SINHCAF: variants seen among roughly 807,000 people sequenced by gnomAD.
The protein encoded by SINHCAF is SIN3-HDAC complex-associated factor.
Under a neutral mutation model 25.8 loss-of-function variants are expected in SINHCAF, and 3 were observed. The ratio of observed to expected loss-of-function variants is 0.12; its 90% CI spans 0.05 to 0.30. The LOEUF is 0.30. Among genes scored for constraint, SINHCAF ranks in the 10% least tolerant of loss-of-function variants. The pLI is 1.00. For missense variants in SINHCAF, 121 were observed against 262.3 expected, an observed-to-expected ratio of 0.46 and a Z score of 3.72; for synonymous variants, 70 against 85.5, an observed-to-expected ratio of 0.82 and a Z score of 1.00.
Position 31,285,418 on chromosome 12 carries a change from T to TATACACACACACACACACACAC in SINHCAF, c.506+2215_506+2216insGTGTGTGTGTGTGTGTGTGTAT, listed in dbSNP as rs1555110957. Among the ~76,000 whole-genome samples the TATACACACACACACACACACAC allele has an allele frequency of 4.2e-5, 6 of 141,356 alleles. No homozygotes were observed. In the South Asian group the frequency reaches 6.9e-4, roughly 16 times the overall value. 92.7% of individuals were successfully genotyped at this position (141,356 alleles called of 152,430 possible). A position where few individuals can be genotyped will look rare whatever the true frequency, so the allele number is the denominator to read the frequency against. ...ATAGACATATATTTATATATATACATACACACACACACACACACACACACA... is the reference window on the plus strand; with the variant it reads ...ATAGACATATATTTATATATATACATATACACACACACACACACACACACACACACACACACACACACACACA... On this transcript the variant is annotated intron_variant, in intron 5 of 5. Transcript: ENST00000337682.
chr12:31,296,170 T>G (rs773645418), intron 2 of SINHCAF, among the ~76,000 whole-genome samples: 5 of 151,984 alleles, frequency 3.3e-5, no homozygotes, highest in Non-Finnish European at 7.4e-5. Flanking sequence ...TCTTTTTTGG[T>G]GGGGGCGTGG....
Position 31,325,095 on chromosome 12 carries a change from C to G in SINHCAF, c.-21+929G>C. 1 of 456,748 alleles carries G rather than the reference C, an allele frequency of 2.2e-6. No individual in the cohort carries two copies. Among genetic ancestry groups the G allele is most frequent in the Middle Eastern group, 3.3e-4 (1 of 3,074 alleles). The allele number at this position is 456,748 out of a possible 1,614,324, so 28.3% of individuals were successfully genotyped here. On this transcript the variant is annotated intron_variant, in intron 1 of 5. Transcript: ENST00000337682. The surrounding 1 kb of genome is among the most constrained non-coding windows in gnomAD (Gnocchi z 5.9). ...GCCCTGCGGAGTTCACTGACTCCCG[C>G]GGCGTACACAACGCCGCCGCCTCCA... is the stretch of plus-strand genomic sequence containing the variant.
At chr12:31,290,079 C>T (rs1281109546) in intron 4 of SINHCAF, among the ~76,000 whole-genome samples, 2 of 152,102 alleles carry the variant, frequency 1.3e-5, no homozygotes, top group Non-Finnish European at 2.9e-5. Context: ...CCTCCCACCT[C>T]GGCCTCCCAA....
intron 3 of SINHCAF, 61 bp from the exon 4 acceptor site, chr12:31,293,992 G>A: frequency 7.3e-7 from 1 of 1,379,042 alleles, no homozygotes; most frequent in South Asian, 1.5e-5. Flanking sequence ...TATCCCTTTG[G>A]TTCAGATCCG....
At chr12:31,304,013 G>C (rs1938920081) in intron 1 of SINHCAF, 1 of 152,088 alleles carries the variant, frequency 6.6e-6, no homozygotes, top group Non-Finnish European at 1.5e-5. Context: ...CAGCTACTCG[G>C]GAGGCTGAGG....
intron 1 of SINHCAF, chr12:31,311,733 CTT>C: frequency 2.0e-6 from 1 of 510,174 alleles, no homozygotes. Flanking sequence ...CTCCCAGTGA[CTT>C]TATCACTCCA....
chr12:31,305,323 G>A (rs1240177278), intron 1 of SINHCAF, among the ~76,000 whole-genome samples: 1 of 152,178 alleles, frequency 6.6e-6, no homozygotes, highest in African/African-American at 2.4e-5. Flanking sequence ...ACTGTGGGAC[G>A]TGTCTTGCAC....
chr12:31,312,142 A>G, intron 1 of SINHCAF: 1 of 414,032 alleles, frequency 2.4e-6, no homozygotes. Flanking sequence ...TCCTGTTTTT[A>G]AACTTAATTG....
At position 31,295,284 on chromosome 12, in the gene SINHCAF, C is replaced by G; in HGVS notation, c.178G>C (p.Val60Leu). 1 of 1,609,724 alleles carries G rather than the reference C, an allele frequency of 6.2e-7. No individual in the cohort carries two copies. Among genetic ancestry groups the G allele is most frequent in the Non-Finnish European group, 8.5e-7 (1 of 1,178,846 alleles). ...GDICNACVLLVKRWKKLPAGS... is the reference protein window; with the variant it reads ...GDICNACVLLLKRWKKLPAGS... Reference sequence around the variant, plus strand: ...GCTGGCAACTTCTTCCATCTTTTCACAAGCAGGACACAGGCATTGCAGATG... The same window carrying G: ...GCTGGCAACTTCTTCCATCTTTTCAGAAGCAGGACACAGGCATTGCAGATG... Residue 60 changes from valine (V) to leucine (L), a missense_variant, in exon 3 of 6, where the codon GTG becomes CTG. Physicochemically the swap from Val to Leu is conservative, Grantham distance 32. Transcript: ENST00000337682.
chr12:31,283,345 G>A (rs533722261), intron 5 of SINHCAF, among the ~76,000 whole-genome samples: 10 of 152,244 alleles, frequency 6.6e-5, no homozygotes, highest in Non-Finnish European at 8.8e-5. Flanking sequence ...GCTTACACCT[G>A]TAATCCCAGC....
intron 2 of SINHCAF, 105 bp downstream of exon 2, chr12:31,297,972 A>ATTTTTTTTTTTTTTT: frequency 8.6e-7 from 1 of 1,159,746 alleles, no homozygotes; most frequent in Non-Finnish European, 1.2e-6. Flanking sequence ...AGAATAAGTG[A>ATTTTTTTTTTTTTTT]TTTTTATTAT....
chr12:31,313,875 G>A (rs75485625), intron 1 of SINHCAF, among the ~76,000 whole-genome samples: 1,735 of 151,794 alleles, frequency 0.011, 16 homozygotes, highest in East Asian at 0.037. Context: ...GGCTGGTCTC[G>A]AACTCCTGAC....
At chr12:31,300,990 C>A (rs1938768366) in intron 1 of SINHCAF, among the ~76,000 whole-genome samples, 2 of 152,162 alleles carry the variant, frequency 1.3e-5, no homozygotes, top group Admixed American at 1.3e-4. Context: ...CCTATCTCTA[C>A]CCTCACCATC....
At chr12:31,287,827 T>TG in intron 4 of SINHCAF, 43 bp from the exon 5 acceptor site, 2 of 1,455,638 alleles carry the variant, frequency 1.4e-6, no homozygotes, top group Non-Finnish European at 1.9e-6. Flanking sequence ...TTCAATTTCA[T>TG]TACATGTAAT....
At chr12:31,286,870 C>A (rs1359753724) in intron 5 of SINHCAF, among the ~76,000 whole-genome samples, 1 of 152,208 alleles carries the variant, frequency 6.6e-6, no homozygotes, top group East Asian at 1.9e-4. Flanking sequence ...AGGCTCCAAT[C>A]ATCTGTTCCT....
chr12:31,310,392 C>A (rs947058531), intron 1 of SINHCAF, among the ~76,000 whole-genome samples: 1 of 152,120 alleles, frequency 6.6e-6, no homozygotes, highest in Non-Finnish European at 1.5e-5. Context: ...GAAATGAAAA[C>A]CCCCTATTTC....
Position 31,324,209 on chromosome 12 carries a change from C to T in SINHCAF, c.-21+1815G>A. The T allele has an allele frequency of 4.9e-6, 1 of 205,362 alleles. No individual in the cohort carries two copies. The highest frequency in any genetic ancestry group is 9.4e-6 in the Non-Finnish European group (1 of 105,888). The allele number at this position is 205,362 out of a possible 1,614,324, so 12.7% of individuals were successfully genotyped here. A position where few individuals can be genotyped will look rare whatever the true frequency, so the allele number is the denominator to read the frequency against. ...CGGCGCCTCCCGCAGGCCGCGCCTC[C>T]CGCACGCCGCGCTGCCGGGGCTTGT... is the stretch of plus-strand genomic sequence containing the variant. On this transcript the variant is annotated intron_variant, in intron 1 of 5. Coordinates refer to ENST00000337682, the MANE Select transcript of SINHCAF (RefSeq NM_001135812.2). The surrounding 1 kb of genome is among the most constrained non-coding windows in gnomAD (Gnocchi z 5.5).
intron 1 of SINHCAF, among the ~76,000 whole-genome samples, chr12:31,307,558 AAGAGAG>A (rs143612587): frequency 4.0e-5 from 6 of 150,604 alleles, no homozygotes; most frequent in East Asian, 1.9e-4. Context: ...CTGTCTAAAA[AAGAGAG>A]AGAGAGAGAG....
At chr12:31,321,562 A>T (rs1254049683) in intron 1 of SINHCAF, among the ~76,000 whole-genome samples, 2 of 152,164 alleles carry the variant, frequency 1.3e-5, no homozygotes, top group Admixed American at 6.6e-5. Flanking sequence ...GCTTAATTAC[A>T]ACTTATTTAA....
Sources: allele counts gnomAD v4.1 joint callset (sites outside exome capture counted in the v4.1 genomes callset), GRCh38; gene constraint gnomAD v4.1.1; non-coding constraint Gnocchi (gnomAD v3.1); transcripts MANE v1.5; gene names NCBI Gene and HGNC (gene_info 2026-07-23, HGNC 2026-07-21).